SLC19A3: variants seen among roughly 807,000 people sequenced by gnomAD.
SLC19A3 encodes the protein thiamine transporter 2.
SLC19A3 carries 31 observed loss-of-function variants against 40.2 expected under a neutral mutation model. That is an observed-to-expected ratio of 0.77 (90% CI 0.58 to 1.04). The LOEUF (loss-of-function observed/expected upper bound fraction) is 1.04, where lower values mean the gene tolerates loss of function less well. Ranked by LOEUF, SLC19A3 falls within the 50% of genes least tolerant of loss-of-function variation. SLC19A3 has a pLI of 0.00. For missense variants in SLC19A3, 592 were observed against 596.7 expected, an observed-to-expected ratio of 0.99 and a Z score of 0.08; for synonymous variants, 212 against 227.5, an observed-to-expected ratio of 0.93 and a Z score of 0.61.
At chr2:227,714,682 GA>G (rs1166523907) in intron 1 of SLC19A3, 2 of 538,456 alleles carry the variant, frequency 3.7e-6, no homozygotes, top group East Asian at 3.4e-4. Flanking sequence ...TTCTGCAGCC[GA>G]TGACATTTGA....
Position 227,699,562 on chromosome 2 carries a change from T to C in SLC19A3, c.153A>G (p.Ile51Met). 1.9e-6 allele frequency: 3 copies of C among 1,614,044 alleles called. No individual in the cohort carries two copies. The highest frequency in any genetic ancestry group is 1.7e-6 in the Non-Finnish European group (2 of 1,179,948). ...TCCAAACGGGGAAGATCTCATTTGT[T>C]ATCTGCAAAGTTGGTAAATTGCATG... ...GPDKNLTSAE[I>M]TNEIFPVWTY... Residue 51 changes from isoleucine (I) to methionine (M), a missense_variant and splice_region_variant, in exon 3 of 6, where the codon ATA becomes ATG. Transcript: ENST00000644224.
intron 1 of SLC19A3, chr2:227,714,707 A>T: frequency 1.1e-4 from 45 of 417,896 alleles, no homozygotes; most frequent in Non-Finnish European, 1.4e-4. Context: ...CCCATCCAAA[A>T]AAAAAAAAAA....
At chr2:227,704,182 G>A (rs1215940292) in intron 1 of SLC19A3, among the ~76,000 whole-genome samples, 1 of 152,134 alleles carries the variant, frequency 6.6e-6, no homozygotes, top group African/African-American at 2.4e-5. Context: ...AGAAGTGTCA[G>A]GAACAGGCAA....
intron 1 of SLC19A3, among the ~76,000 whole-genome samples, chr2:227,705,157 A>G (rs973217130): frequency 6.6e-6 from 1 of 152,112 alleles, no homozygotes; most frequent in African/African-American, 2.4e-5. Flanking sequence ...GATTTTTTTA[A>G]TGGTACAAAA....
Position 227,693,450 on chromosome 2 carries a change from C to A in SLC19A3, c.1172+2439G>T, listed in dbSNP as rs148090285. Among the ~76,000 whole-genome samples, 49 of 152,254 alleles carry A rather than the reference C, an allele frequency of 3.2e-4. 1 individual carries two copies. Among genetic ancestry groups the A allele is most frequent in the African/African-American group, 1.2e-3 (48 of 41,558 alleles). On this transcript the variant is annotated intron_variant, in intron 4 of 5. Transcript: ENST00000644224. ...TGAACCCACACACCTACAGTAAACT[C>A]ATTTTCACCAAAGATGCCAGGAACA... is the stretch of plus-strand genomic sequence containing the variant.
intron 1 of SLC19A3, among the ~76,000 whole-genome samples, chr2:227,711,144 G>A (rs965696212): frequency 7.9e-5 from 12 of 152,254 alleles, no homozygotes; most frequent in African/African-American, 2.4e-4. Context: ...GTGGCCAGGC[G>A]CGGTGGCTCC....
chr2:227,714,376 A>G (rs908344705), intron 1 of SLC19A3: 2 of 960,776 alleles, frequency 2.1e-6, no homozygotes, highest in Non-Finnish European at 2.5e-6. Flanking sequence ...GTCTGGCCAC[A>G]TATAACATTT....
chr2:227,690,213 G>A lies in SLC19A3; in HGVS notation c.1173-1906C>T, dbSNP rs117301976. Among the ~76,000 whole-genome samples, 138 of 152,190 alleles carry A rather than the reference G, an allele frequency of 9.1e-4. 1 individual carries two copies. The East Asian group carries it at 0.023, about 25-fold the overall frequency. ...AGACCCAATGACCTGTTGCCTACAA[G>A]AAAGACATTTTACCTATAGAGACAT... On this transcript the variant is annotated intron_variant, in intron 4 of 5. Coordinates refer to ENST00000644224, the MANE Select transcript of SLC19A3 (RefSeq NM_025243.4).
chr2:227,709,376 T>C (rs1696060920), intron 1 of SLC19A3, among the ~76,000 whole-genome samples: 1 of 152,104 alleles, frequency 6.6e-6, no homozygotes, highest in Non-Finnish European at 1.5e-5. Flanking sequence ...TTCCAGCTAC[T>C]TGGCAGACTG....
At chr2:227,715,113 C>A (rs1177636459) in intron 1 of SLC19A3, among the ~76,000 whole-genome samples, 1 of 151,952 alleles carries the variant, frequency 6.6e-6, no homozygotes, top group Non-Finnish European at 1.5e-5. Context: ...AGCCGCCGTG[C>A]CTGGCCTTGC....
chr2:227,687,210 A>T lies in SLC19A3; in HGVS notation c.*187T>A. ...TATGATGACGGGTCCTGTCAATTGCATCCAGTAAAATTGGTCACATAGAGA... is the reference window on the plus strand; with the variant it reads ...TATGATGACGGGTCCTGTCAATTGCTTCCAGTAAAATTGGTCACATAGAGA... On this transcript the variant is annotated 3_prime_UTR_variant, in exon 6 of 6. Coordinates refer to ENST00000644224, the MANE Select transcript of SLC19A3 (RefSeq NM_025243.4). The T allele has an allele frequency of 1.8e-6, 1 of 567,484 alleles. No individual in the cohort carries two copies. Among genetic ancestry groups the T allele is most frequent in the Non-Finnish European group, 3.0e-6 (1 of 328,996 alleles). 35.2% of individuals were successfully genotyped at this position (567,484 alleles called of 1,614,324 possible). A position where few individuals can be genotyped will look rare whatever the true frequency, so the allele number is the denominator to read the frequency against.
At chr2:227,705,436 T>TA (rs34060996) in intron 1 of SLC19A3, among the ~76,000 whole-genome samples, 28,105 of 140,600 alleles carry the variant, frequency 0.2, 3,638 homozygotes, top group East Asian at 0.72. Context: ...CCCTATCTCT[T>TA]AAAAAAAAAA....
rs754828557 is a variant in SLC19A3, at chr2:227,699,133, C to A, written c.582G>T (p.Lys194Asn). Residue 194 changes from lysine to asparagine, a missense_variant, in exon 3 of 6, where the codon AAG becomes AAT. By Grantham distance (94) the Lys-to-Asn change is moderately conservative. Coordinates refer to ENST00000644224, the MANE Select transcript of SLC19A3 (RefSeq NM_025243.4). ...FLFSLFLPMP[K>N]KSMFFHAKPS... ...GTTTTGCATGAAAAAACATGCTTTT[C>A]TTGGGCATTGGTAGGAAAAGTGAGA... 8 of 1,614,024 alleles carry A rather than the reference C, an allele frequency of 5.0e-6. No individual in the cohort carries two copies. Among genetic ancestry groups the A allele is most frequent in the Non-Finnish European group, 6.8e-6 (8 of 1,180,052 alleles).
intron 4 of SLC19A3, among the ~76,000 whole-genome samples, chr2:227,693,703 C>T (rs536419279): frequency 1.3e-5 from 2 of 152,210 alleles, no homozygotes; most frequent in East Asian, 1.9e-4. Context: ...GAGTACCCCA[C>T]AAACACAGGC....
At chr2:227,693,845 A>G (rs1329971276) in intron 4 of SLC19A3, among the ~76,000 whole-genome samples, 1 of 152,140 alleles carries the variant, frequency 6.6e-6, no homozygotes, top group East Asian at 1.9e-4. Flanking sequence ...TAAAAACCAG[A>G]ATATATAAGG....
chr2:227,705,852 C>T (rs1366012358), intron 1 of SLC19A3, among the ~76,000 whole-genome samples: 2 of 151,996 alleles, frequency 1.3e-5, no homozygotes, highest in Admixed American at 1.3e-4. Flanking sequence ...GCACATGTAC[C>T]CCAGAACTTA....
chr2:227,696,668 G>T (rs1695448364), intron 3 of SLC19A3, among the ~76,000 whole-genome samples: 2 of 152,262 alleles, frequency 1.3e-5, no homozygotes, highest in African/African-American at 4.8e-5. Context: ...TACTTGAGAA[G>T]CTTTGGGTGA....
At chr2:227,696,179 A>G in intron 3 of SLC19A3, 98 bp from the exon 4 acceptor site, 1 of 1,133,282 alleles carries the variant, frequency 8.8e-7, no homozygotes, top group African/African-American at 1.5e-5. Flanking sequence ...GTAATTCTGA[A>G]AGATAAATAT....
intron 3 of SLC19A3, among the ~76,000 whole-genome samples, chr2:227,698,310 G>A (rs764101414): frequency 6.6e-6 from 1 of 151,682 alleles, no homozygotes; most frequent in African/African-American, 2.4e-5. Flanking sequence ...ACAGGCATCC[G>A]CCACCATGAC....
Sources: allele counts gnomAD v4.1 joint callset (sites outside exome capture counted in the v4.1 genomes callset), GRCh38; gene constraint gnomAD v4.1.1; transcripts MANE v1.5; gene names NCBI Gene and HGNC (gene_info 2026-07-23, HGNC 2026-07-21).